CERS4: variants seen among roughly 807,000 people sequenced by gnomAD.
The protein encoded by CERS4 is ceramide synthase 4, also known as LAG1 homolog, ceramide synthase 4.
In CERS4, 65 loss-of-function variants were observed where a neutral mutation model predicts 51.8. The ratio of observed to expected loss-of-function variants is 1.26; its 90% CI spans 1.03 to 1.54. The LOEUF (loss-of-function observed/expected upper bound fraction) is 1.54, where lower values mean the gene tolerates loss of function less well. Ranked by LOEUF, CERS4 falls within the 40% of genes most tolerant of loss-of-function variation. The pLI, the probability that CERS4 is intolerant of heterozygous loss-of-function variation, is 0.00. For synonymous variants in CERS4, 228 were observed against 208.4 expected (o/e 1.09, Z -0.81); for missense variants, 563 against 500.4 (o/e 1.13, Z -1.19).
At position 8,255,598 on chromosome 19, in the gene CERS4, C is replaced by T. The variant is rs1411338328; in HGVS notation, c.292-9C>T. 1.9e-6 allele frequency: 3 copies of T among 1,606,656 alleles called. No homozygotes were observed. The highest frequency in any genetic ancestry group is 1.1e-5 in the South Asian group (1 of 90,142). ...TCTGTGACCCTTGTCCTCATCACCCCCTCCCCAGCCCCAGCTGTCTCTCCT... is the reference window on the plus strand; with the variant it reads ...TCTGTGACCCTTGTCCTCATCACCCTCTCCCCAGCCCCAGCTGTCTCTCCT... On this transcript the variant is annotated splice_polypyrimidine_tract_variant and intron_variant, in intron 4 of 11. Coordinates refer to ENST00000251363, the MANE Select transcript of CERS4 (RefSeq NM_024552.3).
chr19:8,231,746 G>T lies in CERS4; in HGVS notation c.-1-19330G>T, dbSNP rs62126396. Among the ~76,000 whole-genome samples the T allele has an allele frequency of 7.1e-3, 1,074 of 151,462 alleles. 11 individuals are homozygous for T. The highest frequency in any genetic ancestry group is 0.025 in the African/African-American group (1,032 of 41,294). Reference sequence around the variant, plus strand: ...TTTTTGTATTTTTAGTAAAGACAGGGTTTCATCGTGTTAGCCAGGATGGTC... The same window carrying T: ...TTTTTGTATTTTTAGTAAAGACAGGTTTTCATCGTGTTAGCCAGGATGGTC... On this transcript the variant is annotated intron_variant, in intron 2 of 11. Coordinates refer to ENST00000251363, the MANE Select transcript of CERS4 (RefSeq NM_024552.3).
intron 2 of CERS4, among the ~76,000 whole-genome samples, chr19:8,213,927 C>T (rs1357925673): frequency 6.6e-6 from 1 of 152,118 alleles, no homozygotes; most frequent in Non-Finnish European, 1.5e-5. Flanking sequence ...GATCGCACTA[C>T]TGCACTACTG....
chr19:8,216,441 CT>C (rs1967304093), intron 2 of CERS4, among the ~76,000 whole-genome samples: 1 of 151,414 alleles, frequency 6.6e-6, no homozygotes, highest in East Asian at 1.9e-4. Context: ...CTTTTCCTGC[CT>C]TATTTTTCTC....
rs1969368783 is a variant in CERS4, at chr19:8,256,156, G to A, written c.469-80G>A. On this transcript the variant is annotated intron_variant, in intron 6 of 11. Transcript: ENST00000251363. ...AGGTAGCATCTATGTGACTGTGGAA[G>A]GAGAACCAAAGAGACCGCAGACCCA... 7 of 1,426,506 alleles carry A rather than the reference G, an allele frequency of 4.9e-6. No homozygotes were observed. In the South Asian group the frequency reaches 4.9e-5, roughly 10 times the overall value. The allele number at this position is 1,426,506 out of a possible 1,614,324, so 88.4% of individuals were successfully genotyped here.
At chr19:8,253,226 C>CCCCG (rs766052114) in intron 3 of CERS4, among the ~76,000 whole-genome samples, 2 of 150,726 alleles carry the variant, frequency 1.3e-5, no homozygotes, top group Non-Finnish European at 2.9e-5. Flanking sequence ...CAAGCCTCTA[C>CCCCG]CCCGGAATGG....
At chr19:8,245,282 A>G (rs1968730644) in intron 2 of CERS4, among the ~76,000 whole-genome samples, 1 of 151,416 alleles carries the variant, frequency 6.6e-6, no homozygotes, top group South Asian at 2.1e-4. Context: ...GACAGGTATC[A>G]CTCTGTCATT....
At chr19:8,229,611 G>A (rs1967930200) in intron 2 of CERS4, among the ~76,000 whole-genome samples, 2 of 152,120 alleles carry the variant, frequency 1.3e-5, no homozygotes, top group African/African-American at 4.8e-5. Flanking sequence ...GTTTCACCAT[G>A]TTGGCCAGGC....
At chr19:8,257,801 TG>T in intron 9 of CERS4, 77 bp from the exon 10 acceptor site, 1 of 1,106,248 alleles carries the variant, frequency 9.0e-7, no homozygotes, top group Non-Finnish European at 1.4e-6. Context: ...CCAACTCACC[TG>T]GTCCCATCCT....
rs1208922611 is a variant in CERS4, at chr19:8,220,725, CAGG to C, written c.-2+9866_-2+9868del. Among the ~76,000 whole-genome samples the C allele has an allele frequency of 3.3e-5, 5 of 152,324 alleles. No homozygotes were observed. In the South Asian group the frequency reaches 6.2e-4, roughly 19 times the overall value. Reference sequence around the variant, plus strand: ...AACCTCCAAGGGCAGCCTGTGTTGCCAGGAGAACTCCCAGAATCGGTCCCTCCC... The same window carrying C: ...AACCTCCAAGGGCAGCCTGTGTTGCCAGAACTCCCAGAATCGGTCCCTCCC... On this transcript the variant is annotated intron_variant, in intron 2 of 11. Transcript: ENST00000251363.
intron 2 of CERS4, among the ~76,000 whole-genome samples, chr19:8,215,204 C>T (rs773359374): frequency 4.6e-5 from 7 of 151,930 alleles, no homozygotes; most frequent in Admixed American, 2.0e-4. Context: ...CAGGGCCAGG[C>T]GCGGTGGCTC....
chr19:8,236,299 C>T (rs1057358042), intron 2 of CERS4, among the ~76,000 whole-genome samples: 3 of 152,186 alleles, frequency 2.0e-5, no homozygotes, highest in South Asian at 2.1e-4. Flanking sequence ...TCGAGAAAGA[C>T]GTTTCCTAAC....
chr19:8,251,332 A>G (rs1215564123), intron 3 of CERS4, 83 bp downstream of exon 3: 1 of 1,468,858 alleles, frequency 6.8e-7, no homozygotes, highest in Non-Finnish European at 9.0e-7. Context: ...TTGCCATTGC[A>G]GCATGTCCCG....
rs754222872 is a variant in CERS4, at chr19:8,255,628, G to A, written c.313G>A (p.Ala105Thr). 96 of 1,612,254 alleles carry A rather than the reference G, an allele frequency of 6.0e-5. No individual in the cohort carries two copies. The highest frequency in any genetic ancestry group is 1.7e-4 in the African/African-American group (13 of 74,860). ...CCAGCCCCAGCTGTCTCTCCTGGCC[G>A]CCCAGTGTGGCCTCACGCTGCAGCA... ...PKEPQLSLLA[A>T]QCGLTLQQTQ... Residue 105 changes from alanine (A) to threonine (T), a missense_variant, in exon 5 of 12, where the codon GCC becomes ACC. Ala to Thr is a moderately conservative substitution (Grantham distance 58). Coordinates refer to ENST00000251363, the MANE Select transcript of CERS4 (RefSeq NM_024552.3).
At chr19:8,251,289 C>G in intron 3 of CERS4, 40 bp downstream of exon 3, 2 of 1,538,894 alleles carry the variant, frequency 1.3e-6, no homozygotes, top group Non-Finnish European at 1.7e-6. Context: ...CCCCCGCAGT[C>G]GCTCCAGTAT....
intron 2 of CERS4, among the ~76,000 whole-genome samples, chr19:8,242,243 T>C (rs1488195877): frequency 6.6e-6 from 1 of 152,184 alleles, no homozygotes; most frequent in Non-Finnish European, 1.5e-5. Flanking sequence ...CTTTTATTTA[T>C]GCTTTAAGAG....
At chr19:8,251,920 TA>T (rs1175196545) in intron 3 of CERS4, among the ~76,000 whole-genome samples, 1 of 151,598 alleles carries the variant, frequency 6.6e-6, no homozygotes, top group Admixed American at 6.6e-5. Context: ...TTTTAGCCCT[TA>T]AAAAAAATTT....
intron 10 of CERS4, 173 bp from the exon 11 acceptor site, chr19:8,261,515 G>T (rs960874982): frequency 3.1e-5 from 21 of 686,476 alleles, no homozygotes; most frequent in Non-Finnish European, 4.0e-5. Flanking sequence ...TAGTACAAGC[G>T]AGAGGGGGCC....
At chr19:8,245,417 A>G (rs909515436) in intron 2 of CERS4, among the ~76,000 whole-genome samples, 1 of 151,432 alleles carries the variant, frequency 6.6e-6, no homozygotes, top group Admixed American at 6.6e-5. Context: ...TGCCCGGCTA[A>G]TTTTTGTATT....
At chr19:8,251,288 TC>T in intron 3 of CERS4, 39 bp downstream of exon 3, 1 of 1,540,690 alleles carries the variant, frequency 6.5e-7, no homozygotes, top group Non-Finnish European at 8.7e-7. Flanking sequence ...GCCCCCGCAG[TC>T]GCTCCAGTAT....
Sources: gnomAD v4.1 joint callset for allele counts (sites outside exome capture counted in the v4.1 genomes callset) on GRCh38, gnomAD v4.1.1 for gene constraint, MANE v1.5 for transcripts, NCBI Gene and HGNC (gene_info 2026-07-23, HGNC 2026-07-21) for gene names.